SUMF2: variants seen among roughly 807,000 people sequenced by gnomAD.
SUMF2 encodes sulfatase modifying factor 2.
A neutral mutation model predicts 44.8 loss-of-function variants in SUMF2; 45 were observed. The observed-to-expected ratio is 1.00, with a 90% CI of 0.79 to 1.29. SUMF2 has a LOEUF of 1.29. Among genes scored for constraint, SUMF2 ranks in the 50% most tolerant of loss-of-function variants. The pLI, the probability that SUMF2 is intolerant of heterozygous loss-of-function variation, is 0.00. For missense variants in SUMF2, 418 were observed against 389.9 expected (o/e 1.07, Z -0.61); for synonymous variants, 148 against 150.4 (o/e 0.98, Z 0.12).
rs768393097 is a variant in SUMF2, at chr7:56,079,774, G to C, written c.*162G>C. 1.3e-6 allele frequency: 2 copies of C among 1,557,284 alleles called. No homozygotes were observed. Among genetic ancestry groups the C allele is most frequent in the Non-Finnish European group, 1.7e-6 (2 of 1,149,698 alleles). ...GTGGCAGGCGCCTCTCACCAGGGCA[G>C]GAGAGGACTCAGCCTCCTGTGTTTT... On this transcript the variant is annotated 3_prime_UTR_variant, in exon 9 of 9. Coordinates refer to ENST00000434526, the MANE Select transcript of SUMF2 (RefSeq NM_015411.4).
chr7:56,075,926 G>A (rs1020020428), intron 5 of SUMF2, among the ~76,000 whole-genome samples: 60 of 151,912 alleles, frequency 3.9e-4, no homozygotes, highest in Non-Finnish European at 7.1e-4. Context: ...ACAGTGGCAC[G>A]ATCTCAGCTC....
Position 56,068,609 on chromosome 7 carries a change from C to T in SUMF2, c.195C>T (p.Asp65=), listed in dbSNP as rs1312025306. The T allele has an allele frequency of 6.2e-7, 1 of 1,613,288 alleles. No homozygotes were observed. Among genetic ancestry groups the T allele is most frequent in the Non-Finnish European group, 8.5e-7 (1 of 1,179,608 alleles). ...CGACAGTGAAACCCTTTGCCATCGACATATTTCCTGTCACCAACAAAGATT... is the reference window on the plus strand; with the variant it reads ...CGACAGTGAAACCCTTTGCCATCGATATATTTCCTGTCACCAACAAAGATT... The part of the protein sequence containing the change: ...REATVKPFAI[D]IFPVTNKDFR... The change falls in exon 2 of 9, where the codon GAC becomes GAT. Residue 65 remains aspartate, a synonymous_variant. Transcript: ENST00000434526.
chr7:56,087,757 T>G, the SUMF2 span: 1 of 1,612,558 alleles, frequency 6.2e-7, no homozygotes, highest in Non-Finnish European at 8.5e-7. Context: ...ATGCATCGCC[T>G]GACCACACTG....
intron 1 of SUMF2, among the ~76,000 whole-genome samples, chr7:56,068,271 G>A (rs1164276137): frequency 1.3e-5 from 2 of 151,666 alleles, no homozygotes; most frequent in African/African-American, 4.8e-5. Context: ...ATCTGACCTC[G>A]TCATCTACCC....
In SUMF2 at chr7:56,072,985, A is replaced by G. The variant is rs1166012411; in HGVS notation, c.225-12A>G. The stretch of plus-strand genomic sequence containing the variant: ...CCTCACCAGCTGAACCAGCTGAACT[A>G]TGTCTTTATAGGGATTTTGTCAGGG... On this transcript the variant is annotated splice_polypyrimidine_tract_variant and intron_variant, in intron 2 of 8. Coordinates refer to ENST00000434526, the MANE Select transcript of SUMF2 (RefSeq NM_015411.4). The G allele has an allele frequency of 1.2e-6, 2 of 1,608,534 alleles. No individual in the cohort carries two copies. The highest frequency in any genetic ancestry group is 1.7e-4 in the Middle Eastern group (1 of 6,054).
chr7:56,078,067 G>A, intron 6 of SUMF2, 35 bp from the exon 7 acceptor site: 3 of 1,563,286 alleles, frequency 1.9e-6, no homozygotes, highest in South Asian at 2.2e-5. Context: ...TTTGGGACAG[G>A]TGGTAAATCC....
At chr7:56,081,152 C>CAT, downstream of SUMF2, 1 of 1,613,876 alleles carries the variant, frequency 6.2e-7, no homozygotes. The surrounding 1 kb of genome is among the most constrained non-coding windows in gnomAD (Gnocchi z 4.6). Flanking sequence ...ACCCAGTGGC[C>CAT]ATAGATTCGG....
intron 2 of SUMF2, among the ~76,000 whole-genome samples, chr7:56,069,127 ACTCT>A (rs1326553373): frequency 2.0e-5 from 3 of 150,944 alleles, no homozygotes; most frequent in African/African-American, 7.3e-5. Context: ...GGTTTGACTG[ACTCT>A]CTCAGTTAGT....
At chr7:56,083,569 C>T (rs533372210), downstream of SUMF2, 17 of 1,487,282 alleles carry the variant, frequency 1.1e-5, no homozygotes, top group African/African-American at 2.2e-4. Context: ...CATGTGCACG[C>T]CCTGCCTCCC....
In SUMF2 at chr7:56,068,607, G is replaced by A. The variant is rs770460250; in HGVS notation, c.193G>A (p.Asp65Asn). The stretch of plus-strand genomic sequence containing the variant: ...GGCGACAGTGAAACCCTTTGCCATC[G>A]ACATATTTCCTGTCACCAACAAAGA... ...REATVKPFAIDIFPVTNKDFR... is the reference protein window; with the variant it reads ...REATVKPFAINIFPVTNKDFR... The change falls in exon 2 of 9, where the codon GAC becomes AAC. Residue 65 changes from aspartate (D) to asparagine (N), a missense_variant. Transcript: ENST00000434526. 32 of 1,613,642 alleles carry A rather than the reference G, an allele frequency of 2.0e-5. No individual in the cohort carries two copies. In the Admixed American group the frequency reaches 3.3e-4, roughly 17 times the overall value.
chr7:56,068,567 C>A lies in SUMF2; in HGVS notation c.153C>A (p.Asp51Glu), dbSNP rs4245575. The A allele has an allele frequency of 1, 1,610,317 of 1,614,134 alleles. 803,255 individuals are homozygous for A. Among genetic ancestry groups the A allele is most frequent in the Middle Eastern group, 1 (6,062 of 6,062 alleles). ...GTNSPDSRDG[D>E]GPVREATVKP... ...ATTCTCCAGACAGCAGAGATGGTGA[C>A]GGGCCTGTGCGGGAGGCGACAGTGA... The change falls in exon 2 of 9, where the codon GAC becomes GAA. Residue 51 changes from aspartate to glutamate, a missense_variant. Physicochemically the swap from Asp to Glu is conservative, Grantham distance 45. Coordinates refer to ENST00000434526, the MANE Select transcript of SUMF2 (RefSeq NM_015411.4).
the SUMF2 span, among the ~76,000 whole-genome samples, chr7:56,087,191 G>A: frequency 7.9e-6 from 1 of 126,864 alleles, no homozygotes; most frequent in Non-Finnish European, 1.6e-5. Flanking sequence ...CAGGCCCAGG[G>A]ACTTTATTAT....
At chr7:56,081,009 TC>T (rs773182717), downstream of SUMF2, 2 of 1,604,662 alleles carry the variant, frequency 1.2e-6, no homozygotes, top group Admixed American at 1.7e-5. This position sits in a 1 kb window ranked among gnomAD's most constrained non-coding sequence, Gnocchi z 4.6. Context: ...TTCCATGGCT[TC>T]CCCTCCCCAC....
chr7:56,082,205 G>A, downstream of SUMF2: 1 of 1,613,898 alleles, frequency 6.2e-7, no homozygotes, highest in Admixed American at 1.7e-5. Context: ...CTCATTCATG[G>A]AGCACTCGAT....
chr7:56,066,066 G>T (rs1215373579), intron 1 of SUMF2, among the ~76,000 whole-genome samples: 1 of 113,314 alleles, frequency 8.8e-6, no homozygotes, highest in Non-Finnish European at 1.6e-5. Flanking sequence ...GGACAACAGA[G>T]CAAGGCTCCG....
chr7:56,081,717 G>T (rs12538444), downstream of SUMF2: 1 of 1,613,766 alleles, frequency 6.2e-7, no homozygotes, highest in South Asian at 1.1e-5. This position sits in a 1 kb window ranked among gnomAD's most constrained non-coding sequence, Gnocchi z 4.6. Flanking sequence ...CTTCCGCTGT[G>T]TAGCGGTTCT....
intron 4 of SUMF2, 171 bp downstream of exon 4, chr7:56,074,389 C>A: frequency 1.0e-6 from 1 of 980,664 alleles, no homozygotes; most frequent in East Asian, 2.6e-5. Flanking sequence ...AATCCTGTTT[C>A]CTGTTACCCA....
intron 1 of SUMF2, 32 bp from the exon 2 acceptor site, chr7:56,068,450 G>A: frequency 6.3e-7 from 1 of 1,585,108 alleles, no homozygotes; most frequent in Non-Finnish European, 8.6e-7. Context: ...ATATATGCAT[G>A]TATTACTGGT....
the SUMF2 span, chr7:56,087,481 G>T: frequency 4.4e-6 from 4 of 912,608 alleles, no homozygotes; most frequent in South Asian, 3.1e-5. Context: ...GGAGCTGGGA[G>T]CCTTGAGCCT....
Sources: gnomAD v4.1 joint callset for allele counts (sites outside exome capture counted in the v4.1 genomes callset) on GRCh38, gnomAD v4.1.1 for gene constraint, Gnocchi (gnomAD v3.1) non-coding constraint, MANE v1.5 for transcripts, NCBI Gene and HGNC (gene_info 2026-07-23, HGNC 2026-07-21) for gene names.